The following KIF16B variants were observed in gnomAD, a reference collection of about 807,000 sequenced individuals.
The protein encoded by KIF16B is kinesin family member 16B.
KIF16B carries 98 observed loss-of-function variants against 156.3 expected under a neutral mutation model. That is an observed-to-expected ratio of 0.63 (90% CI 0.53 to 0.74). The LOEUF (loss-of-function observed/expected upper bound fraction) is 0.74, where lower values mean the gene tolerates loss of function less well. Ranked by LOEUF, KIF16B falls within the 30% of genes least tolerant of loss-of-function variation. KIF16B has a pLI of 0.00. For synonymous variants in KIF16B, 564 were observed against 583.7 expected (o/e 0.97, Z 0.49); for missense variants, 1,421 against 1,606.5 (o/e 0.88, Z 1.97).
chr20:16,444,080 G>A (rs951546642), intron 12 of KIF16B, among the ~76,000 whole-genome samples: 1 of 152,206 alleles, frequency 6.6e-6, no homozygotes, highest in Non-Finnish European at 1.5e-5. Context: ...ACAGTCAGGA[G>A]TCAAAAGGAA....
rs867500141 is a variant in KIF16B, at chr20:16,282,726, G to A, written c.3796-9315C>T. On this transcript the variant is annotated intron_variant, in intron 25 of 25. Coordinates refer to ENST00000354981, the MANE Select transcript of KIF16B (RefSeq NM_024704.5). ...CATTCAGCAGATAGGACAGACTCCT[G>A]GGAACAGGACTGCTCCTGGACCTGG... Among the ~76,000 whole-genome samples the A allele has an allele frequency of 3.9e-5, 6 of 152,176 alleles. No homozygotes were observed. The South Asian group carries it at 1.0e-3, about 26-fold the overall frequency.
chr20:16,369,844 C>T (rs1040726015), intron 22 of KIF16B, among the ~76,000 whole-genome samples: 1 of 152,172 alleles, frequency 6.6e-6, no homozygotes, highest in Non-Finnish European at 1.5e-5. Flanking sequence ...CTGCTATGTG[C>T]CAGGTACTAT....
intron 22 of KIF16B, among the ~76,000 whole-genome samples, chr20:16,364,568 G>A (rs942312370): frequency 1.3e-5 from 2 of 152,222 alleles, no homozygotes; most frequent in African/African-American, 4.8e-5. Context: ...AGCCACAGCA[G>A]AGGGAGCTAC....
intron 25 of KIF16B, among the ~76,000 whole-genome samples, chr20:16,297,286 C>G (rs1197431811): frequency 6.6e-6 from 1 of 152,186 alleles, no homozygotes; most frequent in East Asian, 1.9e-4. Flanking sequence ...ACAGAGCTTC[C>G]AAACCACAAT....
chr20:16,477,272 G>A (rs1188258798), intron 12 of KIF16B, among the ~76,000 whole-genome samples: 8 of 144,108 alleles, frequency 5.6e-5, no homozygotes, highest in Admixed American at 1.4e-4. Flanking sequence ...TGGGCTCCTT[G>A]TTCTAACATT....
chr20:16,437,872 C>CCTGT (rs2066684698), intron 12 of KIF16B, among the ~76,000 whole-genome samples: 1 of 151,788 alleles, frequency 6.6e-6, no homozygotes. Context: ...GTGGCTCATG[C>CCTGT]CTGTAATCCC....
chr20:16,370,907 G>A (rs1021994748), intron 21 of KIF16B, among the ~76,000 whole-genome samples: 18 of 152,222 alleles, frequency 1.2e-4, no homozygotes, highest in South Asian at 2.1e-4. Context: ...TTCTTAATTT[G>A]CAGGATAGAA....
intron 12 of KIF16B, among the ~76,000 whole-genome samples, chr20:16,461,657 G>A (rs2067348969): frequency 6.6e-6 from 1 of 152,086 alleles, no homozygotes; most frequent in Admixed American, 6.5e-5. Context: ...AATACTGACT[G>A]GCAGCCAATA....
chr20:16,293,624 C>G (rs2063342580), intron 25 of KIF16B, among the ~76,000 whole-genome samples: 1 of 151,952 alleles, frequency 6.6e-6, no homozygotes, highest in African/African-American at 2.4e-5. Context: ...AAGGGAGAGC[C>G]AAGGATGATG....
intron 24 of KIF16B, among the ~76,000 whole-genome samples, chr20:16,316,467 T>A (rs577988939): frequency 2.7e-4 from 41 of 152,074 alleles, no homozygotes; most frequent in Non-Finnish European, 4.7e-4. Context: ...GATATTAGAG[T>A]CACATTCCTA....
chr20:16,299,608 A>C (rs1209742066), intron 25 of KIF16B, among the ~76,000 whole-genome samples: 2 of 152,196 alleles, frequency 1.3e-5, no homozygotes, highest in Non-Finnish European at 2.9e-5. Context: ...ATTGCCACAG[A>C]AGGTCACTCT....
intron 24 of KIF16B, among the ~76,000 whole-genome samples, chr20:16,327,172 G>A (rs546161439): frequency 1.8e-4 from 28 of 151,708 alleles, no homozygotes; most frequent in African/African-American, 6.0e-4. Flanking sequence ...TGGAATTGGA[G>A]ACCATTATCC....
intron 12 of KIF16B, among the ~76,000 whole-genome samples, chr20:16,455,010 G>A (rs182968444): frequency 9.9e-5 from 15 of 152,174 alleles, no homozygotes; most frequent in African/African-American, 3.1e-4. Context: ...ATAGGGACAC[G>A]GGCTGAAAAC....
Position 16,507,960 on chromosome 20 carries a change from G to A in KIF16B, c.697C>T (p.Gln233Ter). Reference protein sequence around the residue: ...SHAIFTIKFTQAKFDSEMPCE... With the variant: ...SHAIFTIKFT ...GCTGGTCCCGCAGCAGCCCTTACCT[G>A]AGTGAACTTGATGGTGAAGATGGCA... Residue 233 changes from glutamine to a stop codon, truncating the protein, a stop_gained and splice_region_variant, in exon 7 of 26, where the codon CAG (glutamine) becomes TAG (stop). Transcript: ENST00000354981. LOFTEE classifies it high-confidence loss of function. The A allele has an allele frequency of 1.2e-6, 2 of 1,614,084 alleles. No individual in the cohort carries two copies. Among genetic ancestry groups the A allele is most frequent in the Non-Finnish European group, 1.7e-6 (2 of 1,179,980 alleles).
intron 15 of KIF16B, among the ~76,000 whole-genome samples, chr20:16,411,557 C>T (rs903688962): frequency 2.6e-5 from 4 of 151,960 alleles, no homozygotes; most frequent in African/African-American, 9.7e-5. Context: ...ATTATCTTTA[C>T]AGCACAGAGC....
chr20:16,441,309 G>A (rs961756234), intron 12 of KIF16B, among the ~76,000 whole-genome samples: 1 of 151,996 alleles, frequency 6.6e-6, no homozygotes, highest in Admixed American at 6.6e-5. Context: ...TTCACCCTCC[G>A]GCCTGTGCTC....
intron 12 of KIF16B, among the ~76,000 whole-genome samples, chr20:16,437,210 T>C (rs528899084): frequency 6.6e-6 from 1 of 152,178 alleles, no homozygotes; most frequent in Non-Finnish European, 1.5e-5. Context: ...ATATCAGCAA[T>C]AGTACAGCAT....
intron 2 of KIF16B, among the ~76,000 whole-genome samples, chr20:16,527,217 A>C (rs1182176108): frequency 1.3e-5 from 2 of 152,238 alleles, no homozygotes. Context: ...TGGAAGGCAC[A>C]AGGGTTGTGC....
At chr20:16,502,017 T>A (rs865806940) in intron 10 of KIF16B, among the ~76,000 whole-genome samples, 2 of 152,210 alleles carry the variant, frequency 1.3e-5, no homozygotes, top group South Asian at 2.1e-4. Flanking sequence ...AATAAAAAAT[T>A]CAAATATATA....
Sources: allele counts gnomAD v4.1 joint callset (sites outside exome capture counted in the v4.1 genomes callset), GRCh38; gene constraint gnomAD v4.1.1; transcripts MANE v1.5; gene names NCBI Gene and HGNC (gene_info 2026-07-23, HGNC 2026-07-21).